The following ZNF385D variants were observed in gnomAD, a reference collection of about 807,000 sequenced individuals.
ZNF385D encodes zinc finger protein 659.
ZNF385D carries 15 observed loss-of-function variants against 35.8 expected under a neutral mutation model. The observed-to-expected ratio is 0.42, with a 90% CI of 0.28 to 0.64. ZNF385D has a LOEUF of 0.64. ZNF385D is among the 30% of genes least tolerant of loss of function. ZNF385D has a pLI of 0.23. For missense variants in ZNF385D, 474 were observed against 494.6 expected, an observed-to-expected ratio of 0.96 and a Z score of 0.39; for synonymous variants, 212 against 186.8, an observed-to-expected ratio of 1.13 and a Z score of -1.10.
intron 2 of ZNF385D, among the ~76,000 whole-genome samples, chr3:22,177,026 TC>T (rs1037941430): frequency 6.6e-6 from 1 of 152,192 alleles, no homozygotes; most frequent in African/African-American, 2.4e-5. Flanking sequence ...ACAAATCTTT[TC>T]CTGTATTCTG....
At chr3:21,779,930 C>G (rs1229731506) in intron 3 of ZNF385D, among the ~76,000 whole-genome samples, 1 of 151,868 alleles carries the variant, frequency 6.6e-6, no homozygotes. Context: ...AAAATCAATT[C>G]AGAAGAAATT....
chr3:21,597,510 G>A (rs1275784725), intron 2 of ZNF385D, among the ~76,000 whole-genome samples: 5 of 152,130 alleles, frequency 3.3e-5, no homozygotes, highest in African/African-American at 7.2e-5. Flanking sequence ...GAGAGAATGA[G>A]AGTGATTTTT....
intron 3 of ZNF385D, among the ~76,000 whole-genome samples, chr3:22,115,964 C>T (rs555805798): frequency 6.0e-4 from 92 of 152,142 alleles, no homozygotes; most frequent in Non-Finnish European, 1.1e-3. Flanking sequence ...CACTTCCAAA[C>T]TGAAGCTGGA....
chr3:22,093,240 C>T (rs1488598611), intron 3 of ZNF385D, among the ~76,000 whole-genome samples: 1 of 151,958 alleles, frequency 6.6e-6, no homozygotes, highest in Non-Finnish European at 1.5e-5. Context: ...AGAAATAAAA[C>T]ATTTTTTAGA....
chr3:22,004,232 G>C (rs576119552), intron 3 of ZNF385D, among the ~76,000 whole-genome samples: 1 of 152,222 alleles, frequency 6.6e-6, no homozygotes, highest in Non-Finnish European at 1.5e-5. Flanking sequence ...TACTGGGAAA[G>C]CTGGACATCC....
intron 2 of ZNF385D, among the ~76,000 whole-genome samples, chr3:22,351,792 G>T (rs553880246): frequency 3.0e-4 from 46 of 152,240 alleles, no homozygotes; most frequent in African/African-American, 8.7e-4. Context: ...ATAATCCAGA[G>T]ATCTGAATTG....
intron 3 of ZNF385D, among the ~76,000 whole-genome samples, chr3:21,891,190 A>G (rs967767965): frequency 6.6e-6 from 1 of 152,234 alleles, no homozygotes; most frequent in African/African-American, 2.4e-5. Context: ...CGCAGAAGGT[A>G]ATCAATAAAC....
At chr3:22,351,492 G>A (rs940168907) in intron 2 of ZNF385D, among the ~76,000 whole-genome samples, 1 of 152,024 alleles carries the variant, frequency 6.6e-6, no homozygotes. Flanking sequence ...AATACTTTAA[G>A]GGTATTTTCC....
intron 3 of ZNF385D, among the ~76,000 whole-genome samples, chr3:21,800,881 C>T (rs903200242): frequency 1.3e-5 from 2 of 151,922 alleles, no homozygotes; most frequent in Admixed American, 6.6e-5. Context: ...TGCCTAATTG[C>T]TATGTCTAGA....
chr3:22,287,621 A>G (rs1268336202), intron 2 of ZNF385D, among the ~76,000 whole-genome samples: 1 of 151,978 alleles, frequency 6.6e-6, no homozygotes, highest in Non-Finnish European at 1.5e-5. Flanking sequence ...AACTTGGCAT[A>G]CACAAACTCT....
intron 3 of ZNF385D, among the ~76,000 whole-genome samples, chr3:22,140,897 C>T (rs1318394675): frequency 6.6e-6 from 1 of 152,092 alleles, no homozygotes; most frequent in African/African-American, 2.4e-5. Flanking sequence ...ATACAATACC[C>T]TACTTTTTTA....
chr3:21,522,464 C>T (rs1017096292), intron 3 of ZNF385D, among the ~76,000 whole-genome samples: 3 of 152,100 alleles, frequency 2.0e-5, no homozygotes, highest in African/African-American at 2.4e-5. Context: ...CTCAGCCTCC[C>T]GAGTAGCTGG....
At chr3:21,523,915 A>G (rs138210818) in intron 3 of ZNF385D, among the ~76,000 whole-genome samples, 1 of 152,346 alleles carries the variant, frequency 6.6e-6, no homozygotes, top group Admixed American at 6.5e-5. Context: ...CTGCACAAGT[A>G]AGAGATGGCC....
At chr3:21,570,897 G>A (rs923096540) in intron 2 of ZNF385D, among the ~76,000 whole-genome samples, 2 of 152,100 alleles carry the variant, frequency 1.3e-5, no homozygotes, top group Non-Finnish European at 2.9e-5. Context: ...CTTTGACTTA[G>A]TAAAATGTTT....
chr3:22,157,455 G>T (rs899229449), intron 3 of ZNF385D, among the ~76,000 whole-genome samples: 3 of 151,016 alleles, frequency 2.0e-5, no homozygotes, highest in Non-Finnish European at 4.4e-5. Flanking sequence ...TCTTTTTGTT[G>T]TTTTTTTTAA....
intron 3 of ZNF385D, among the ~76,000 whole-genome samples, chr3:21,946,595 G>A (rs1353893673): frequency 6.6e-6 from 1 of 152,142 alleles, no homozygotes; most frequent in African/African-American, 2.4e-5. Context: ...ACTTTGGGAG[G>A]CTGAGGCAAG....
At chr3:21,764,102 T>A (rs745902673) in intron 3 of ZNF385D, among the ~76,000 whole-genome samples, 1 of 152,012 alleles carries the variant, frequency 6.6e-6, no homozygotes, top group South Asian at 2.1e-4. Context: ...TTTTGAGAAT[T>A]TGACGTCTAA....
chr3:22,217,938 C>A (rs570600545), intron 2 of ZNF385D, among the ~76,000 whole-genome samples: 2 of 152,200 alleles, frequency 1.3e-5, no homozygotes, highest in South Asian at 2.1e-4. Flanking sequence ...ATTGGTCACT[C>A]CCTCTCTTTC....
At chr3:21,834,459 G>T (rs1398332755) in intron 3 of ZNF385D, among the ~76,000 whole-genome samples, 4 of 152,128 alleles carry the variant, frequency 2.6e-5, no homozygotes, top group Non-Finnish European at 5.9e-5. Flanking sequence ...TTTGAATAAG[G>T]AAGAATCCTA....
Sources: allele counts gnomAD v4.1 joint callset (sites outside exome capture counted in the v4.1 genomes callset), GRCh38; gene constraint gnomAD v4.1.1; transcripts MANE v1.5; gene names NCBI Gene and HGNC (gene_info 2026-07-23, HGNC 2026-07-21).